Variants in UBA7 observed in about 807,000 individuals in gnomAD.
UBA7 encodes ubiquitin like modifier activating enzyme 7, also known as ubiquitin-like modifier-activating enzyme 7.
A neutral mutation model predicts 113.0 loss-of-function variants in UBA7; 88 were observed. The ratio of observed to expected loss-of-function variants is 0.78; its 90% CI spans 0.66 to 0.93. The LOEUF (loss-of-function observed/expected upper bound fraction) is 0.93. UBA7 is among the 40% of genes least tolerant of loss of function. The pLI, the probability that UBA7 is intolerant of heterozygous loss-of-function variation, is 0.00. For synonymous variants in UBA7, 459 were observed against 513.0 expected, an observed-to-expected ratio of 0.89 and a Z score of 1.42; for missense variants, 1,092 against 1,266.4, an observed-to-expected ratio of 0.86 and a Z score of 2.09.
rs146073611 is a variant in UBA7 at position 49,810,896 on chromosome 3, T to G, written c.1231-64A>C. ...TGCATCTCCTTCTTATACTGAGTTT[T>G]CTGAATCAGGACCTGGAGGGCATTC... On this transcript the variant is annotated intron_variant, in intron 10 of 23. Transcript: ENST00000333486. This position sits in a 1 kb window ranked among gnomAD's most constrained non-coding sequence, Gnocchi z 5.6. The G allele has an allele frequency of 7.7e-4, 1,246 of 1,612,100 alleles. No homozygotes were observed. The highest frequency in any genetic ancestry group is 1.0e-3 in the Non-Finnish European group (1,174 of 1,178,248).
rs756237742 is a variant in UBA7 at position 49,809,897 on chromosome 3, A to G, written c.1840-18T>C. The G allele has an allele frequency of 5.0e-6, 8 of 1,614,048 alleles. No individual in the cohort carries two copies. In the South Asian group the frequency reaches 7.7e-5, roughly 16 times the overall value. On this transcript the variant is annotated intron_variant, in intron 14 of 23. Transcript: ENST00000333486. The stretch of plus-strand genomic sequence containing the variant: ...CGGGCCCACTGTGGAGGAGGGAGGA[A>G]GAATGAGGTATCAGGTGGAGAACAG...
rs993609414 is a variant in UBA7 at position 49,806,170 on chromosome 3, G to A, written c.2716-5C>T. ...GGTCCACTTCAGGTGATGGAACTGGGATGAGGTAGAGGAGGAGTCAGAGAC... is the reference window on the plus strand; with the variant it reads ...GGTCCACTTCAGGTGATGGAACTGGAATGAGGTAGAGGAGGAGTCAGAGAC... On this transcript the variant is annotated splice_region_variant and splice_polypyrimidine_tract_variant and intron_variant, in intron 21 of 23. Transcript: ENST00000333486. 5.0e-6 allele frequency: 8 copies of A among 1,590,126 alleles called. No homozygotes were observed. Among genetic ancestry groups the A allele is most frequent in the African/African-American group, 1.3e-5 (1 of 74,602 alleles).
intron 4 of UBA7, 137 bp from the exon 5 acceptor site, chr3:49,812,875 T>C: frequency 8.5e-7 from 1 of 1,179,604 alleles, no homozygotes; most frequent in South Asian, 1.4e-5. Flanking sequence ...TTGAGAGGGT[T>C]ACTGGAGCAG....
Position 49,806,090 on chromosome 3 carries a change from GC to G in UBA7, c.2790del (p.Leu931CysfsTer11). 1 of 1,595,008 alleles carries G rather than the reference GC, an allele frequency of 6.3e-7. No individual in the cohort carries two copies. Among genetic ancestry groups the G allele is most frequent in the Non-Finnish European group, 8.5e-7 (1 of 1,171,132 alleles). ...PAGQPERTLESLLAHLQEQHG... is the reference protein window; with the variant it reads ...PAGQPERTLEXLLAHLQEQHG... ...GGGCACACCTGAAGATGAGCCAGCA[GC>G]GACTCCAGGGTCCTCTCAGGCTGCC... On this transcript the variant is annotated frameshift_variant, in exon 22 of 24. Transcript: ENST00000333486. LOFTEE classifies it high-confidence loss of function.
At position 49,810,266 on chromosome 3, in the gene UBA7, C is replaced by T; in HGVS notation, c.1630G>A (p.Ala544Thr). The T allele has an allele frequency of 1.2e-6, 2 of 1,613,730 alleles. No homozygotes were observed. Among genetic ancestry groups the T allele is most frequent in the African/African-American group, 1.3e-5 (1 of 75,014 alleles). Reference protein sequence around the residue: ...GVAAALDSFQARRYVAARCTH... With the variant: ...GVAAALDSFQTRRYVAARCTH... Reference sequence around the variant, plus strand: ...ACCTCCGAAGTCAAGCACTCACGGGCCTGGAAACTGTCCAGGGCAGCAGCC... The same window carrying T: ...ACCTCCGAAGTCAAGCACTCACGGGTCTGGAAACTGTCCAGGGCAGCAGCC... Residue 544 changes from alanine to threonine, a missense_variant, in exon 13 of 24, where the codon GCC becomes ACC. Physicochemically the swap from Ala to Thr is moderately conservative, Grantham distance 58 (BLOSUM62 0). Transcript: ENST00000333486. The surrounding 1 kb of genome is among the most constrained non-coding windows in gnomAD (Gnocchi z 5.6).
rs764300731 is a variant in UBA7 at position 49,810,159 on chromosome 3, G to A, written c.1658C>T (p.Thr553Ile). ...CTCCAGCAGTGGCTTCAGATAGTGG[G>A]TGCAACGAGCAGCCACATAGCGCCC... ...QARRYVAARC[T>I]HYLKPLLEAG... Residue 553 changes from threonine (T) to isoleucine (I), a missense_variant, in exon 14 of 24, where the codon ACC (threonine) becomes ATC (isoleucine). Around this residue, in one of 3 missense-constraint regions of UBA7, gnomAD observed 584 missense variants for 714.5 expected, o/e 0.82. Coordinates refer to ENST00000333486, the MANE Select transcript of UBA7 (RefSeq NM_003335.3). The surrounding 1 kb of genome is among the most constrained non-coding windows in gnomAD (Gnocchi z 5.6). 2.7e-5 allele frequency: 44 copies of A among 1,612,986 alleles called. No homozygotes were observed. Among genetic ancestry groups the A allele is most frequent in the Non-Finnish European group, 6.8e-6 (8 of 1,179,980 alleles).
rs1347434059 is a variant in UBA7 at position 49,811,267 on chromosome 3, G to T, written c.1122+6C>A. ...CAGTACCCCCCACACCTATGCCTCT[G>T]CCCACCTTCAGCACTTCCTGGGCAG... On this transcript the variant is annotated splice_donor_region_variant and intron_variant, in intron 9 of 23. Transcript: ENST00000333486. The T allele has an allele frequency of 6.2e-7, 1 of 1,613,836 alleles. No homozygotes were observed. Among genetic ancestry groups the T allele is most frequent in the East Asian group, 2.2e-5 (1 of 44,882 alleles).
rs780509816 is a variant in UBA7, at chr3:49,810,431, G to A, written c.1468-3C>T. 19 of 1,613,998 alleles carry A rather than the reference G, an allele frequency of 1.2e-5. No homozygotes were observed. The highest frequency in any genetic ancestry group is 2.7e-5 in the African/African-American group (2 of 74,916). ...GCAGCCACCTCTGCCTTGGGTCTCT[G>A]GGAAGAAGGCAGGAAGATGTTGGGT... On this transcript the variant is annotated splice_polypyrimidine_tract_variant and splice_region_variant and intron_variant, in intron 12 of 23. Coordinates refer to ENST00000333486, the MANE Select transcript of UBA7 (RefSeq NM_003335.3). This position sits in a 1 kb window ranked among gnomAD's most constrained non-coding sequence, Gnocchi z 5.6.
chr3:49,808,054 T>G lies in UBA7; in HGVS notation c.2489A>C (p.Gln830Pro), dbSNP rs1326606622. The G allele has an allele frequency of 1.2e-6, 2 of 1,614,142 alleles. No individual in the cohort carries two copies. Among genetic ancestry groups the G allele is most frequent in the African/African-American group, 2.7e-5 (2 of 75,076 alleles). Residue 830 changes from glutamine (Q) to proline (P), a missense_variant, in exon 20 of 24, where the codon CAG becomes CCG. Gln to Pro is a moderately conservative substitution (Grantham distance 76). This residue lies in a region of UBA7 where 500 missense variants were observed against 529.3 expected (regional missense o/e 0.94). Coordinates refer to ENST00000333486, the MANE Select transcript of UBA7 (RefSeq NM_003335.3). ...FVVAAASLRC[Q>P]NYGIPPVNRA... ...GTTGACCGGTGGAATCCCGTAGTTCTGACATCTCAGGCTAGCTGCCGCTAC... is the reference window on the plus strand; with the variant it reads ...GTTGACCGGTGGAATCCCGTAGTTCGGACATCTCAGGCTAGCTGCCGCTAC...
Position 49,811,038 on chromosome 3 carries a change from G to C in UBA7, c.1176C>G (p.Leu392=), listed in dbSNP as rs745347958. Reference sequence around the variant, plus strand: ...GCTCCCCATCTTCCGGAAGACAATCGAGGGCATCAAAGTAAAGCCACTGGT... The same window carrying C: ...GCTCCCCATCTTCCGGAAGACAATCCAGGGCATCAAAGTAAAGCCACTGGT... ...PLDQWLYFDA[L]DCLPEDGELL... The change falls in exon 10 of 24, where the codon CTC becomes CTG. Residue 392 remains leucine, a synonymous_variant. Transcript: ENST00000333486. The C allele has an allele frequency of 6.2e-7, 1 of 1,613,934 alleles. No homozygotes were observed. The highest frequency in any genetic ancestry group is 1.3e-5 in the African/African-American group (1 of 74,894).
At chr3:49,806,318 G>C in intron 21 of UBA7, 153 bp from the exon 22 acceptor site, 1 of 666,334 alleles carries the variant, frequency 1.5e-6, no homozygotes, top group South Asian at 1.9e-5. Context: ...TGGGCCCAGA[G>C]TCTCAGCCCC....
Position 49,813,292 on chromosome 3 carries a change from A to C in UBA7, c.317T>G (p.Val106Gly). Residue 106 changes from valine to glycine, a missense_variant, in exon 3 of 24, where the codon GTG becomes GGG. Around this residue, in one of 3 missense-constraint regions of UBA7, gnomAD observed 584 missense variants for 714.5 expected, o/e 0.82. Transcript: ENST00000333486. ...AQLNRAVQVV[V>G]HTGDITEDLL... is the part of the protein sequence containing the mutation. ...GTCCTCAGTGATGTCACCCGTGTGCACGACGACCTGGACAGCTCTGTTGAG... is the reference window on the plus strand; with the variant it reads ...GTCCTCAGTGATGTCACCCGTGTGCCCGACGACCTGGACAGCTCTGTTGAG... The C allele has an allele frequency of 1.2e-6, 2 of 1,614,196 alleles. No individual in the cohort carries two copies. Among genetic ancestry groups the C allele is most frequent in the Non-Finnish European group, 1.7e-6 (2 of 1,180,040 alleles).
Position 49,807,818 on chromosome 3 carries a change from C to G in UBA7, c.2633G>C (p.Arg878Pro), listed in dbSNP as rs758808886. The change falls in exon 21 of 24, where the codon CGT (arginine) becomes CCT (proline). Residue 878 changes from arginine to proline, a missense_variant. Physicochemically the swap from Arg to Pro is moderately radical, Grantham distance 103. This residue lies in a region of UBA7 where 500 missense variants were observed against 529.3 expected (regional missense o/e 0.94). Transcript: ENST00000333486. This position sits in a 1 kb window ranked among gnomAD's most constrained non-coding sequence, Gnocchi z 4.0. ...TAGGTAGCTGTGGCGAAAGGCACTA[C>G]GAGGCCGTGGCCCACTCACCACCTT... ...LYKVVSGPRPRSAFRHSYLHL... is the reference protein window; with the variant it reads ...LYKVVSGPRPPSAFRHSYLHL... 1 of 1,614,128 alleles carries G rather than the reference C, an allele frequency of 6.2e-7. No homozygotes were observed. The highest frequency in any genetic ancestry group is 8.5e-7 in the Non-Finnish European group (1 of 1,180,000).
chr3:49,805,949 G>A lies in UBA7; in HGVS notation c.2857C>T (p.Leu953Phe). ...VRILLHGSALLYAAGWSPEKQ... is the reference protein window; with the variant it reads ...VRILLHGSALFYAAGWSPEKQ... ...TCAGGTGACCATCCGGCCGCATAGA[G>A]CAGGGCTGAGCCGTGCAGCAGGATC... The change falls in exon 23 of 24, where the codon CTC becomes TTC. Residue 953 changes from leucine to phenylalanine, a missense_variant. Coordinates refer to ENST00000333486, the MANE Select transcript of UBA7 (RefSeq NM_003335.3). 1 of 1,564,660 alleles carries A rather than the reference G, an allele frequency of 6.4e-7. No individual in the cohort carries two copies. The highest frequency in any genetic ancestry group is 8.7e-7 in the Non-Finnish European group (1 of 1,154,442).
rs1205137477 is a variant in UBA7 at position 49,809,452 on chromosome 3, C to T, written c.2101G>A (p.Gly701Arg). The T allele has an allele frequency of 6.2e-7, 1 of 1,614,062 alleles. No homozygotes were observed. Among genetic ancestry groups the T allele is most frequent in the Non-Finnish European group, 8.5e-7 (1 of 1,180,028 alleles). The change falls in exon 17 of 24, where the codon GGA (glycine) becomes AGA (arginine). Residue 701 changes from glycine to arginine, a missense_variant. Physicochemically the swap from Gly to Arg is moderately radical, Grantham distance 125. Coordinates refer to ENST00000333486, the MANE Select transcript of UBA7 (RefSeq NM_003335.3). Reference sequence around the variant, plus strand: ...TTGGGACCTGACCAGAAGGGAGTTCCATCCTCAAGCACCTAGGTAGGTAAG... The same window carrying T: ...TTGGGACCTGACCAGAAGGGAGTTCTATCCTCAAGCACCTAGGTAGGTAAG... ...HFPPNKVLED[G>R]TPFWSGPKQC...
intron 21 of UBA7, 45 bp from the exon 22 acceptor site, chr3:49,806,210 C>T: frequency 1.3e-6 from 2 of 1,502,332 alleles, no homozygotes; most frequent in South Asian, 1.2e-5. Context: ...TACCTCCCCC[C>T]AACCCCCATC....
chr3:49,813,949 A>G lies in UBA7; in HGVS notation c.-162T>C. The G allele has an allele frequency of 2.3e-6, 1 of 437,774 alleles. No homozygotes were observed. The highest frequency in any genetic ancestry group is 4.0e-6 in the Non-Finnish European group (1 of 250,456). 27.1% of individuals were successfully genotyped at this position (437,774 alleles called of 1,614,324 possible). ...GCTGGTCACAGCTCTCTTCCTGGAG[A>G]AAAGAAAAGTGAAAGTTAAACTATG... On this transcript the variant is annotated 5_prime_UTR_variant, in exon 1 of 24. Transcript: ENST00000333486.
rs574375788 is a variant in UBA7, at chr3:49,810,044, A to C, written c.1773T>G (p.Ser591=). The C allele has an allele frequency of 6.2e-7, 1 of 1,613,722 alleles. No homozygotes were observed. The highest frequency in any genetic ancestry group is 1.7e-5 in the Admixed American group (1 of 60,006). ...TACAGACAGGGTAGGGGGCATCCTC[A>C]GAAGCTGCAGCTGAGGCAGGGGCTC... is the stretch of plus-strand genomic sequence containing the variant. The part of the protein sequence containing the change: ...AYRAPASAAA[S]EDAPYPVCTV... The change falls in exon 14 of 24, where the codon TCT becomes TCG. Residue 591 remains serine (S), a synonymous_variant. Transcript: ENST00000333486. The surrounding 1 kb of genome is among the most constrained non-coding windows in gnomAD (Gnocchi z 5.6).
At chr3:49,811,199 C>G (rs568063005) in intron 9 of UBA7, 74 bp downstream of exon 9, 13 of 1,603,310 alleles carry the variant, frequency 8.1e-6, no homozygotes, top group Admixed American at 3.4e-5. Context: ...TGCTCTCTAG[C>G]GCTGGGTGCC....
Sources: allele counts gnomAD v4.1 joint callset, GRCh38; gene constraint gnomAD v4.1.1; regional missense constraint gnomAD v4.1.1; non-coding constraint Gnocchi (gnomAD v3.1); transcripts MANE v1.5; gene names NCBI Gene and HGNC (gene_info 2026-07-23, HGNC 2026-07-21).